EDA: variants seen among roughly 807,000 people sequenced by gnomAD.
EDA encodes the protein ectodysplasin A.
EDA carries 2 observed loss-of-function variants against 23.6 expected under a neutral mutation model. The ratio of observed to expected loss-of-function variants is 0.08; its 90% CI spans 0.03 to 0.27. EDA has a LOEUF of 0.27. Ranked by LOEUF, EDA falls within the 10% of genes least tolerant of loss-of-function variation. The pLI, the probability that EDA is intolerant of heterozygous loss-of-function variation, is 1.00. For missense variants in EDA, 229 were observed against 324.2 expected (o/e 0.71, Z 2.26); for synonymous variants, 131 against 132.0 (o/e 0.99, Z 0.05).
chrX:69,784,823 G>A (rs1471924983), intron 1 of EDA, among the ~76,000 whole-genome samples: 1 of 109,290 alleles, frequency 9.1e-6, no homozygotes, highest in African/African-American at 3.3e-5. Context: ...TTCCAGTTCT[G>A]TGAAGAAAGT....
At chrX:69,765,758 G>A (rs1466234085) in intron 1 of EDA, among the ~76,000 whole-genome samples, 1 of 111,233 alleles carries the variant, frequency 9.0e-6, no homozygotes, top group East Asian at 2.8e-4. Flanking sequence ...GGTACAATGT[G>A]TGTATAAATT....
At chrX:69,705,202 T>A (rs1370462163) in intron 1 of EDA, among the ~76,000 whole-genome samples, 2 of 81,503 alleles carry the variant, frequency 2.5e-5, no homozygotes, top group Admixed American at 1.6e-4. Flanking sequence ...CAGCCTGGGC[T>A]ACAAGAGTGA....
intron 1 of EDA, among the ~76,000 whole-genome samples, chrX:69,721,979 AAATC>A (rs2012599626): frequency 9.0e-6 from 1 of 111,365 alleles, no homozygotes; most frequent in Non-Finnish European, 1.9e-5. Flanking sequence ...TTTTTAAAAA[AAATC>A]AAGACTACAT....
chrX:69,719,999 C>T (rs754553107), intron 1 of EDA, among the ~76,000 whole-genome samples: 7 of 110,870 alleles, frequency 6.3e-5, no homozygotes, highest in Admixed American at 9.6e-5. Context: ...CCGCCTGCCT[C>T]GGCCTCCCAA....
At chrX:69,846,167 CA>C (rs1265908314) in intron 1 of EDA, among the ~76,000 whole-genome samples, 1 of 112,379 alleles carries the variant, frequency 8.9e-6, no homozygotes, top group African/African-American at 3.2e-5. Context: ...TGGCCAAACT[CA>C]AGGACGAAAT....
Position 69,943,578 on chromosome X carries a change from G to A in EDA, c.397-13449G>A, listed in dbSNP as rs980706687. Reference sequence around the variant, plus strand: ...GAGGCTAGGAGAGGGGTGACACAAAGCACCACTGTGGCCACCACCACCTGG... The same window carrying A: ...GAGGCTAGGAGAGGGGTGACACAAAACACCACTGTGGCCACCACCACCTGG... On this transcript the variant is annotated intron_variant, in intron 1 of 7. Coordinates refer to ENST00000374552, the MANE Select transcript of EDA (RefSeq NM_001399.5). 2.7e-5 allele frequency among the ~76,000 whole-genome samples: 3 copies of A among 111,316 alleles called. No homozygotes were observed. The Admixed American group carries it at 2.9e-4, about 11-fold the overall frequency.
intron 2 of EDA, among the ~76,000 whole-genome samples, chrX:69,967,527 A>G (rs1358338488): frequency 8.9e-6 from 1 of 111,747 alleles, no homozygotes; most frequent in Non-Finnish European, 1.9e-5. Context: ...CTCAAGAGAG[A>G]TAGCTGGTCT....
intron 1 of EDA, among the ~76,000 whole-genome samples, chrX:69,654,385 G>C (rs1375732347): frequency 9.2e-4 from 103 of 111,444 alleles, no homozygotes; most frequent in African/African-American, 3.2e-3. Flanking sequence ...GGAAGTCAGT[G>C]TGGCGATTCC....
intron 1 of EDA, among the ~76,000 whole-genome samples, chrX:69,683,826 A>G (rs1409607801): frequency 1.8e-5 from 2 of 112,355 alleles, no homozygotes; most frequent in African/African-American, 6.5e-5. Context: ...TCTCTGTGCA[A>G]TTTATTTCTT....
At chrX:69,849,971 GT>G (rs1321154028) in intron 1 of EDA, among the ~76,000 whole-genome samples, 3 of 111,516 alleles carry the variant, frequency 2.7e-5, no homozygotes, top group Non-Finnish European at 5.7e-5. Flanking sequence ...TTTAAATAAT[GT>G]TTTTTTACTC....
chrX:69,682,649 C>T (rs1043476354), intron 1 of EDA, among the ~76,000 whole-genome samples: 4 of 112,095 alleles, frequency 3.6e-5, no homozygotes, highest in Non-Finnish European at 7.5e-5. Flanking sequence ...TTGGGCTTCC[C>T]GAGTGAGGCA....
intron 2 of EDA, among the ~76,000 whole-genome samples, chrX:69,968,081 A>C (rs2019199369): frequency 8.9e-6 from 1 of 111,953 alleles, no homozygotes; most frequent in Non-Finnish European, 1.9e-5. Flanking sequence ...ACAAAGATGC[A>C]TAAAATATGG....
chrX:69,675,189 C>T (rs762073567), intron 1 of EDA, among the ~76,000 whole-genome samples: 1 of 111,117 alleles, frequency 9.0e-6, no homozygotes. Context: ...CTGTATTGCC[C>T]AGGCTGGTCT....
intron 1 of EDA, among the ~76,000 whole-genome samples, chrX:69,928,339 C>A (rs753403332): frequency 1.8e-5 from 2 of 111,717 alleles, no homozygotes; most frequent in African/African-American, 6.5e-5. Flanking sequence ...GCAAGAGCCA[C>A]GTCTTACTGA....
chrX:70,003,276 T>G (rs1310732364), intron 2 of EDA, among the ~76,000 whole-genome samples: 2 of 111,778 alleles, frequency 1.8e-5, no homozygotes, highest in African/African-American at 6.5e-5. Context: ...CAGTCAGGAA[T>G]ATAGCCATTT....
chrX:69,865,789 A>G (rs1228785958), intron 1 of EDA, among the ~76,000 whole-genome samples: 2 of 112,127 alleles, frequency 1.8e-5, no homozygotes, highest in Non-Finnish European at 3.8e-5. Flanking sequence ...CTAACATAAT[A>G]CAACTGTCCT....
chrX:70,032,554 G>A (rs774905655), intron 6 of EDA, among the ~76,000 whole-genome samples: 2 of 111,646 alleles, frequency 1.8e-5, no homozygotes, highest in East Asian at 5.7e-4. Context: ...TGGTGGGAAG[G>A]AACATTCCTC....
chrX:69,861,348 A>G (rs921996453), intron 1 of EDA, among the ~76,000 whole-genome samples: 1 of 112,101 alleles, frequency 8.9e-6, no homozygotes, highest in African/African-American at 3.2e-5. Flanking sequence ...GTTCATGAAT[A>G]TACTAACCTT....
At chrX:69,816,280 C>G (rs961599211) in intron 1 of EDA, among the ~76,000 whole-genome samples, 1 of 111,892 alleles carries the variant, frequency 8.9e-6, no homozygotes, top group Non-Finnish European at 1.9e-5. Flanking sequence ...AAAAGCTAGA[C>G]TGCCTCTTCT....
Sources: allele counts gnomAD v4.1 joint callset (sites outside exome capture counted in the v4.1 genomes callset), GRCh38; gene constraint gnomAD v4.1.1; transcripts MANE v1.5; gene names NCBI Gene and HGNC (gene_info 2026-07-23, HGNC 2026-07-21).